Variants in IFIH1 observed in about 807,000 individuals in gnomAD.
IFIH1 encodes the protein interferon induced with helicase C domain 1.
In IFIH1, 125 loss-of-function variants were observed where a neutral mutation model predicts 107.4. That is an observed-to-expected ratio of 1.16 (90% CI 1.01 to 1.35). The LOEUF (loss-of-function observed/expected upper bound fraction) is 1.35. Among genes scored for constraint, IFIH1 ranks in the 40% most tolerant of loss-of-function variants. The probability of loss-of-function intolerance (pLI) is 0.00; values close to 1 mark genes in which losing one functional copy is unlikely to be tolerated. For synonymous variants in IFIH1, 458 were observed against 413.2 expected (o/e 1.11, Z -1.31); for missense variants, 1,333 against 1,213.7 (o/e 1.10, Z -1.46).
At chr2:162,289,352 GA>G (rs1682955363) in intron 4 of IFIH1, among the ~76,000 whole-genome samples, 1 of 151,026 alleles carries the variant, frequency 6.6e-6, no homozygotes, top group African/African-American at 2.4e-5. Flanking sequence ...ATTTTATTTA[GA>G]AGTGACCATA....
In IFIH1 at chr2:162,317,901, T is replaced by A. The variant is rs767683878; in HGVS notation, c.407A>T (p.Asp136Val). The A allele has an allele frequency of 2.5e-6, 4 of 1,611,502 alleles. No homozygotes were observed. In the East Asian group the frequency reaches 8.9e-5, roughly 36 times the overall value. Residue 136 changes from aspartate to valine, a missense_variant, in exon 1 of 16, where the codon GAT (aspartate) becomes GTT (valine). Coordinates refer to ENST00000649979, the MANE Select transcript of IFIH1 (RefSeq NM_022168.4). ...CAACAGTTCCTCCTCCATGCACTTA[T>A]CCAAGACGTCTCTAACTAGAAGCTT... The part of the protein sequence containing the change: ...VDKLLVRDVL[D>V]KCMEEELLTI...
chr2:162,270,186 C>T (rs1691007981), intron 13 of IFIH1, among the ~76,000 whole-genome samples: 1 of 152,088 alleles, frequency 6.6e-6, no homozygotes, highest in South Asian at 2.1e-4. Context: ...ACAGGAGGCA[C>T]AGCTACAATC....
chr2:162,297,850 ACAG>A (rs904493899), intron 3 of IFIH1, among the ~76,000 whole-genome samples: 2 of 152,100 alleles, frequency 1.3e-5, no homozygotes, highest in Non-Finnish European at 2.9e-5. Context: ...GCCTACAATG[ACAG>A]CAAGTGCCTA....
chr2:162,288,448 A>C, intron 4 of IFIH1, 93 bp from the exon 5 acceptor site: 1 of 833,434 alleles, frequency 1.2e-6, no homozygotes, highest in Non-Finnish European at 1.9e-6. Flanking sequence ...TTGTGCTTTA[A>C]ACTCCTTTTC....
chr2:162,311,014 C>A, intron 1 of IFIH1, 81 bp from the exon 2 acceptor site: 1 of 1,060,910 alleles, frequency 9.4e-7, no homozygotes, highest in Non-Finnish European at 1.4e-6. Context: ...TTTAGAAAAA[C>A]TGAGCAATTA....
At position 162,268,259 on chromosome 2, in the gene IFIH1, G is replaced by C. The variant is rs1559809132; in HGVS notation, c.2635C>G (p.Gln879Glu). 1 of 1,606,442 alleles carries C rather than the reference G, an allele frequency of 6.2e-7. No homozygotes were observed. The highest frequency in any genetic ancestry group is 8.5e-7 in the Non-Finnish European group (1 of 1,175,216). ...TTCATTTTCTTTTCCATTATACTTTGCATCTGTAATTCCAAAATCTGGACA... is the reference window on the plus strand; with the variant it reads ...TTCATTTTCTTTTCCATTATACTTTCCATCTGTAATTCCAAAATCTGGACA... Reference protein sequence around the residue: ...YAHKILELQMQSIMEKKMKTK... With the variant: ...YAHKILELQMESIMEKKMKTK... The change falls in exon 14 of 16, where the codon CAA becomes GAA. Residue 879 changes from glutamine (Q) to glutamate (E), a missense_variant. Physicochemically the swap from Gln to Glu is conservative, Grantham distance 29. Transcript: ENST00000649979.
chr2:162,271,072 G>A (rs1168629019), intron 13 of IFIH1, among the ~76,000 whole-genome samples: 1 of 152,004 alleles, frequency 6.6e-6, no homozygotes, highest in African/African-American at 2.4e-5. Context: ...GTGGTATGGG[G>A]GATTTCCTGA....
At chr2:162,283,868 C>T (rs1056446436) in intron 5 of IFIH1, among the ~76,000 whole-genome samples, 1 of 151,716 alleles carries the variant, frequency 6.6e-6, no homozygotes, top group African/African-American at 2.4e-5. Context: ...TCCATAAATT[C>T]TAAGGAAGCA....
At chr2:162,282,195 A>T (rs1682821691) in intron 6 of IFIH1, among the ~76,000 whole-genome samples, 171 bp downstream of exon 6, 1 of 152,018 alleles carries the variant, frequency 6.6e-6, no homozygotes, top group Non-Finnish European at 1.5e-5. Flanking sequence ...AAAGTGGTCT[A>T]ATTAAAAACT....
intron 13 of IFIH1, 147 bp from the exon 14 acceptor site, chr2:162,268,424 A>AC: frequency 1.8e-6 from 1 of 560,874 alleles, no homozygotes. Flanking sequence ...TGAGGTAATG[A>AC]CCCCCCAAAG....
chr2:162,285,876 C>T (rs567321077), intron 5 of IFIH1, among the ~76,000 whole-genome samples: 2 of 151,922 alleles, frequency 1.3e-5, no homozygotes, highest in Non-Finnish European at 2.9e-5. Context: ...CAGAAACTGA[C>T]TGCACAAAAA....
intron 5 of IFIH1, 126 bp from the exon 6 acceptor site, chr2:162,282,702 A>C (rs1682832968): frequency 3.2e-6 from 2 of 620,260 alleles, no homozygotes; most frequent in South Asian, 3.9e-5. Flanking sequence ...ATCAGGCATA[A>C]CAACGTTCCC....
intron 4 of IFIH1, among the ~76,000 whole-genome samples, chr2:162,290,022 A>G (rs1409450976): frequency 6.6e-6 from 1 of 151,910 alleles, no homozygotes; most frequent in African/African-American, 2.4e-5. Context: ...ATAGTTTGTC[A>G]TCTAACTTTT....
chr2:162,268,761 C>T (rs1194641838), intron 13 of IFIH1, among the ~76,000 whole-genome samples: 3 of 151,984 alleles, frequency 2.0e-5, no homozygotes, highest in African/African-American at 7.2e-5. Context: ...AGCTAATTTT[C>T]ATATTTTTAG....
chr2:162,317,614 G>A (rs1683524686), intron 1 of IFIH1, among the ~76,000 whole-genome samples: 1 of 152,210 alleles, frequency 6.6e-6, no homozygotes, highest in Admixed American at 6.5e-5. Context: ...AAAGTTACCT[G>A]TTAATACACA....
In IFIH1 at chr2:162,267,188, T is replaced by C; in HGVS notation, c.*12A>G. The C allele has an allele frequency of 2.6e-6, 4 of 1,542,386 alleles. No individual in the cohort carries two copies. The highest frequency in any genetic ancestry group is 2.6e-6 in the Non-Finnish European group (3 of 1,143,126). On this transcript the variant is annotated 3_prime_UTR_variant, in exon 16 of 16. Transcript: ENST00000649979. Reference sequence around the variant, plus strand: ...TAACTGATAGTATTTTAAAAGAATCTTCAATCAAGTGCTAATCCTCATCAC... The same window carrying C: ...TAACTGATAGTATTTTAAAAGAATCCTCAATCAAGTGCTAATCCTCATCAC...
intron 4 of IFIH1, among the ~76,000 whole-genome samples, chr2:162,293,064 G>A (rs1683025511): frequency 6.6e-6 from 1 of 151,812 alleles, no homozygotes; most frequent in Admixed American, 6.6e-5. Context: ...TTCATTTAGT[G>A]ACCGAAATAT....
chr2:162,277,784 A>T, intron 9 of IFIH1, 91 bp from the exon 10 acceptor site: 1 of 1,437,910 alleles, frequency 7.0e-7, no homozygotes, highest in East Asian at 2.4e-5. Flanking sequence ...ACTAACTGCA[A>T]AACTGGCTTC....
chr2:162,298,445 A>G (rs1185900414), intron 3 of IFIH1, among the ~76,000 whole-genome samples: 2 of 152,192 alleles, frequency 1.3e-5, no homozygotes, highest in Admixed American at 1.3e-4. Flanking sequence ...CAGTGGTGAC[A>G]AGGTCTTTAG....
Sources: allele counts gnomAD v4.1 joint callset (sites outside exome capture counted in the v4.1 genomes callset), GRCh38; gene constraint gnomAD v4.1.1; transcripts MANE v1.5; gene names NCBI Gene and HGNC (gene_info 2026-07-23, HGNC 2026-07-21).